Variants in CACNA1I observed in about 807,000 individuals in gnomAD.
The protein encoded by CACNA1I is calcium voltage-gated channel subunit alpha1 I, also known as voltage-dependent T-type calcium channel subunit alpha-1I.
In CACNA1I, 74 loss-of-function variants were observed where a neutral mutation model predicts 201.6. The ratio of observed to expected loss-of-function variants is 0.37; its 90% CI spans 0.30 to 0.45. The LOEUF is 0.45. CACNA1I is among the 20% of genes least tolerant of loss of function. The probability of loss-of-function intolerance (pLI) is 1.00; values close to 1 mark genes in which losing one functional copy is unlikely to be tolerated. For synonymous variants in CACNA1I, 1,431 were observed against 1,345.2 expected, an observed-to-expected ratio of 1.06 and a Z score of -1.40; for missense variants, 2,346 against 3,138.1, an observed-to-expected ratio of 0.75 and a Z score of 6.03.
At chr22:39,601,545 A>G (rs1231893356) in intron 3 of CACNA1I, among the ~76,000 whole-genome samples, 1 of 152,064 alleles carries the variant, frequency 6.6e-6, no homozygotes, top group Non-Finnish European at 1.5e-5. Context: ...AGGAGAGAGA[A>G]AAAGGCTGGA....
intron 3 of CACNA1I, among the ~76,000 whole-genome samples, chr22:39,601,445 G>A (rs1933026832): frequency 6.6e-6 from 1 of 152,226 alleles, no homozygotes; most frequent in African/African-American, 2.4e-5. Context: ...GGGACTTGGG[G>A]GCTTGAGGGC....
chr22:39,677,316 C>G lies in CACNA1I; in HGVS notation c.4855-25C>G. 1 of 1,545,824 alleles carries G rather than the reference C, an allele frequency of 6.5e-7. No individual in the cohort carries two copies. The highest frequency in any genetic ancestry group is 8.8e-7 in the Non-Finnish European group (1 of 1,141,738). On this transcript the variant is annotated intron_variant, in intron 29 of 36. Transcript: ENST00000402142. This position sits in a 1 kb window ranked among gnomAD's most constrained non-coding sequence, Gnocchi z 4.8. ...CGCCCCCACCCGCTCCCCAGCCCCA[C>G]CCGGCCTCACCTGTCCTCCCGCAGG...
intron 6 of CACNA1I, among the ~76,000 whole-genome samples, chr22:39,642,054 C>T (rs973586629): frequency 3.3e-5 from 5 of 152,090 alleles, no homozygotes; most frequent in Non-Finnish European, 5.9e-5. Flanking sequence ...GAGGGGGCAG[C>T]GGGAGGGCTG....
At position 39,649,796 on chromosome 22, in the gene CACNA1I, G is replaced by A; in HGVS notation, c.1863G>A (p.Leu621=). 6.2e-7 allele frequency: 1 copy of A among 1,612,348 alleles called. No homozygotes were observed. Among genetic ancestry groups the A allele is most frequent in the South Asian group, 1.1e-5 (1 of 90,908 alleles). ...EEEQADGAVW[L]CGDVWRETRA... is the part of the protein sequence containing the mutation. ...AGCAGGCGGATGGGGCGGTCTGGCTGTGCGGGGATGTGTGGCGGGAGACGC... is the reference window on the plus strand; with the variant it reads ...AGCAGGCGGATGGGGCGGTCTGGCTATGCGGGGATGTGTGGCGGGAGACGC... Residue 621 remains leucine, a synonymous_variant, in exon 10 of 37, where the codon CTG becomes CTA. Transcript: ENST00000402142. The surrounding 1 kb of genome is among the most constrained non-coding windows in gnomAD (Gnocchi z 7.3).
rs17001382 is a variant in CACNA1I, at chr22:39,613,439, G to A, written c.483-5871G>A. On this transcript the variant is annotated intron_variant, in intron 3 of 36. Coordinates refer to ENST00000402142, the MANE Select transcript of CACNA1I (RefSeq NM_021096.4). ...AGGGCCTCATGTGATTCGTGGGCGC[G>A]TGTGAGCTGAGGTAACAGTTGAGGC... Among the ~76,000 whole-genome samples the A allele has an allele frequency of 6.4e-3, 979 of 152,300 alleles. 11 individuals are homozygous for A. The highest frequency in any genetic ancestry group is 0.023 in the African/African-American group (951 of 41,560).
At chr22:39,605,717 TG>T (rs958828200) in intron 3 of CACNA1I, among the ~76,000 whole-genome samples, 1 of 151,996 alleles carries the variant, frequency 6.6e-6, no homozygotes, top group African/African-American at 2.4e-5. Context: ...TGCTTTTGAT[TG>T]GGGGGTGTCA....
At chr22:39,586,048 T>G (rs934573196) in intron 1 of CACNA1I, among the ~76,000 whole-genome samples, 7 of 151,472 alleles carry the variant, frequency 4.6e-5, no homozygotes, top group Non-Finnish European at 1.5e-5. Context: ...CATGGTGGCA[T>G]GTGCCTGTAA....
chr22:39,640,747 G>A, intron 5 of CACNA1I, 120 bp from the exon 6 acceptor site: 1 of 804,032 alleles, frequency 1.2e-6, no homozygotes, highest in Non-Finnish European at 2.0e-6. Context: ...AACAGCATGT[G>A]CCAAGGCCTG....
At position 39,662,138 on chromosome 22, in the gene CACNA1I, G is replaced by A. The variant is rs1398196657; in HGVS notation, c.3075G>A (p.Gly1025=). Reference sequence around the variant, plus strand: ...TCTGCGAGGTTGCCGCGGACGAGGGGCCGCCGCGGGCCGCACCCCTGCACA... The same window carrying A: ...TCTGCGAGGTTGCCGCGGACGAGGGACCGCCGCGGGCCGCACCCCTGCACA... The part of the protein sequence containing the change: ...ARVCEVAADE[G]PPRAAPLHTP... Residue 1025 remains glycine, a synonymous_variant, in exon 17 of 37, where the codon GGG becomes GGA. Coordinates refer to ENST00000402142, the MANE Select transcript of CACNA1I (RefSeq NM_021096.4). 6.6e-7 allele frequency: 1 copy of A among 1,525,198 alleles called. No individual in the cohort carries two copies. Among genetic ancestry groups the A allele is most frequent in the South Asian group, 1.2e-5 (1 of 82,124 alleles). The allele number at this position is 1,525,198 out of a possible 1,614,324, so 94.5% of individuals were successfully genotyped here. A position where few individuals can be genotyped will look rare whatever the true frequency, so the allele number is the denominator to read the frequency against.
rs560191395 is a variant in CACNA1I, at chr22:39,665,050, C to T, written c.3851+127C>T. ...CGGTCCTCCAATAGTGAGTGCCAAA[C>T]ACCCTGAGCTGTTCCCGGGGGAGGG... On this transcript the variant is annotated intron_variant, in intron 21 of 36. Transcript: ENST00000402142. The surrounding 1 kb of genome is among the most constrained non-coding windows in gnomAD (Gnocchi z 5.5). 2.1e-4 allele frequency: 177 copies of T among 844,040 alleles called. No homozygotes were observed. Among genetic ancestry groups the T allele is most frequent in the Non-Finnish European group, 3.0e-4 (165 of 547,130 alleles). 52.3% of individuals were successfully genotyped at this position (844,040 alleles called of 1,614,324 possible).
chr22:39,649,100 A>G lies in CACNA1I; in HGVS notation c.1568-401A>G, dbSNP rs963774751. Among the ~76,000 whole-genome samples, 2 of 152,170 alleles carry G rather than the reference A, an allele frequency of 1.3e-5. No homozygotes were observed. The highest frequency in any genetic ancestry group is 4.8e-5 in the African/African-American group (2 of 41,414). ...GCCTTCTCTGACGGGGGCTGCCCCC[A>G]CATTGGCCTGACTCTTTCAGAATCA... On this transcript the variant is annotated intron_variant, in intron 9 of 36. Coordinates refer to ENST00000402142, the MANE Select transcript of CACNA1I (RefSeq NM_021096.4). The surrounding 1 kb of genome is among the most constrained non-coding windows in gnomAD (Gnocchi z 7.3).
At chr22:39,663,885 G>A (rs750754718) in intron 19 of CACNA1I, 44 bp downstream of exon 19, 2 of 1,610,222 alleles carry the variant, frequency 1.2e-6, no homozygotes, top group African/African-American at 2.7e-5. Flanking sequence ...CCAGGCCAAG[G>A]GACAGCTCGC....
chr22:39,621,190 G>A (rs1933732769), intron 4 of CACNA1I, among the ~76,000 whole-genome samples: 1 of 152,250 alleles, frequency 6.6e-6, no homozygotes, highest in South Asian at 2.1e-4. Flanking sequence ...CAGCGGCAGA[G>A]CTGGAATCTG....
At chr22:39,658,081 G>A in intron 10 of CACNA1I, 71 bp from the exon 11 acceptor site, 2 of 1,521,958 alleles carry the variant, frequency 1.3e-6, no homozygotes, top group Non-Finnish European at 1.8e-6. Flanking sequence ...GCCAGGGTGG[G>A]TGTCCAGAGG....
chr22:39,642,007 G>T (rs1159658081), intron 6 of CACNA1I, among the ~76,000 whole-genome samples: 1 of 152,292 alleles, frequency 6.6e-6, no homozygotes, highest in East Asian at 1.9e-4. Flanking sequence ...CAGAAAGAAG[G>T]GGCAGGAGCA....
chr22:39,593,133 G>T (rs955058570), intron 1 of CACNA1I, among the ~76,000 whole-genome samples: 8 of 152,198 alleles, frequency 5.3e-5, no homozygotes, highest in African/African-American at 1.9e-4. Flanking sequence ...TGCCTCCTGC[G>T]GGGACCCAGT....
intron 18 of CACNA1I, among the ~76,000 whole-genome samples, chr22:39,663,168 G>A (rs1935081101): frequency 6.6e-6 from 1 of 152,240 alleles, no homozygotes; most frequent in African/African-American, 2.4e-5. Flanking sequence ...CTTTAGGCAA[G>A]ACGGATGTTG....
At chr22:39,640,229 A>C (rs905065339) in intron 5 of CACNA1I, among the ~76,000 whole-genome samples, 2 of 152,180 alleles carry the variant, frequency 1.3e-5, no homozygotes, top group African/African-American at 2.4e-5. Context: ...TCTCTACTAA[A>C]AAAACAAAAA....
rs1935567816 is a variant in CACNA1I, at chr22:39,677,972, C to T, written c.4934-15C>T. The T allele has an allele frequency of 8.9e-6, 14 of 1,576,560 alleles. No homozygotes were observed. The highest frequency in any genetic ancestry group is 1.4e-5 in the African/African-American group (1 of 73,994). On this transcript the variant is annotated splice_polypyrimidine_tract_variant and intron_variant, in intron 30 of 36. Transcript: ENST00000402142. The surrounding 1 kb of genome is among the most constrained non-coding windows in gnomAD (Gnocchi z 4.8). ...CTCCGCCATCGGGCAGGGCTGACCT[C>T]CTCCCCGCTTCCAGTCTGCAACGAC...
Sources: gnomAD v4.1 joint callset for allele counts (sites outside exome capture counted in the v4.1 genomes callset) on GRCh38, gnomAD v4.1.1 for gene constraint, Gnocchi (gnomAD v3.1) non-coding constraint, MANE v1.5 for transcripts, NCBI Gene and HGNC (gene_info 2026-07-23, HGNC 2026-07-21) for gene names.